Variants in ENTPD1 observed in about 807,000 individuals in gnomAD.
ENTPD1 encodes the protein ATP diphosphohydrolase.
ENTPD1 carries 33 observed loss-of-function variants against 57.0 expected under a neutral mutation model. The observed-to-expected ratio is 0.58, with a 90% CI of 0.44 to 0.77. The LOEUF is 0.77. ENTPD1 is among the 30% of genes least tolerant of loss of function. ENTPD1 has a pLI of 0.00. For synonymous variants in ENTPD1, 202 were observed against 218.8 expected, an observed-to-expected ratio of 0.92 and a Z score of 0.68; for missense variants, 501 against 603.4, an observed-to-expected ratio of 0.83 and a Z score of 1.78.
At chr10:95,838,710 T>G (rs531570342) in intron 2 of ENTPD1, among the ~76,000 whole-genome samples, 1 of 152,240 alleles carries the variant, frequency 6.6e-6, no homozygotes, top group African/African-American at 2.4e-5. Context: ...GGTGGTTATA[T>G]GGATGTGCAC....
chr10:95,698,745 T>G, the ENTPD1 span, among the ~76,000 whole-genome samples: 1 of 152,232 alleles, frequency 6.6e-6, no homozygotes, highest in Non-Finnish European at 1.5e-5. Context: ...GCTTCATAAC[T>G]GTAAGAAATC....
chr10:95,742,763 A>T (rs1241387850), intron 1 of ENTPD1, among the ~76,000 whole-genome samples: 1 of 152,208 alleles, frequency 6.6e-6, no homozygotes, highest in Non-Finnish European at 1.5e-5. Flanking sequence ...TCATTAAAGC[A>T]GTTACTTTAA....
rs905497078 is a variant in ENTPD1, at chr10:95,871,342, A to G, written c.*4959A>G. ...TCTTTAAAAAATGTCATTACTTCTA[A>G]GACATCATCAGTCTGCAACTTCTTT... is the stretch of plus-strand genomic sequence containing the variant. On this transcript the variant is annotated 3_prime_UTR_variant, in exon 10 of 10. Transcript: ENST00000371205. 1 of 985,426 alleles carries G rather than the reference A, an allele frequency of 1.0e-6. No homozygotes were observed. Among genetic ancestry groups the G allele is most frequent in the Non-Finnish European group, 1.2e-6 (1 of 829,876 alleles). The allele number at this position is 985,426 out of a possible 1,614,324, so 61.0% of individuals were successfully genotyped here. A position where few individuals can be genotyped will look rare whatever the true frequency, so the allele number is the denominator to read the frequency against.
In ENTPD1 at chr10:95,868,885, T is replaced by C. The variant is rs975152299; in HGVS notation, c.*2502T>C. 11 of 985,340 alleles carry C rather than the reference T, an allele frequency of 1.1e-5. No individual in the cohort carries two copies. Among genetic ancestry groups the C allele is most frequent in the Non-Finnish European group, 1.3e-5 (11 of 829,916 alleles). 61.0% of individuals were successfully genotyped at this position (985,340 alleles called of 1,614,324 possible). On this transcript the variant is annotated 3_prime_UTR_variant, in exon 10 of 10. Transcript: ENST00000371205. ...CCAAAAAAAAAATCCTTTAAGGTAT[T>C]TGGGAGCCAAACTCAACTTGTTAAA...
At chr10:95,729,526 T>C (rs1257229885) in intron 1 of ENTPD1, among the ~76,000 whole-genome samples, 1 of 152,212 alleles carries the variant, frequency 6.6e-6, no homozygotes, top group Non-Finnish European at 1.5e-5. Flanking sequence ...AGAAAGCTAA[T>C]TAAAATAGAG....
At chr10:95,709,734 C>A (rs1443886473), upstream of ENTPD1, among the ~76,000 whole-genome samples, 1 of 151,358 alleles carries the variant, frequency 6.6e-6, no homozygotes, top group Non-Finnish European at 1.5e-5. Context: ...TCCTGCTCCC[C>A]AAGATGCAGT....
chr10:95,729,133 C>T (rs1459356777), intron 1 of ENTPD1, among the ~76,000 whole-genome samples: 1 of 152,072 alleles, frequency 6.6e-6, no homozygotes. Context: ...TGTAAGTGGA[C>T]TCTCAAAGTT....
At chr10:95,797,941 T>TG (rs1222403779) in intron 1 of ENTPD1, among the ~76,000 whole-genome samples, 1 of 152,198 alleles carries the variant, frequency 6.6e-6, no homozygotes, top group Non-Finnish European at 1.5e-5. Context: ...ATTAAGGACT[T>TG]GCCATCCTCA....
chr10:95,783,531 T>A (rs1464229733), intron 1 of ENTPD1, among the ~76,000 whole-genome samples: 1 of 152,198 alleles, frequency 6.6e-6, no homozygotes, highest in Non-Finnish European at 1.5e-5. Flanking sequence ...CTGGGTTGTG[T>A]GAGCATGTGT....
the ENTPD1 span, among the ~76,000 whole-genome samples, chr10:95,702,576 C>A: frequency 6.6e-6 from 1 of 151,572 alleles, no homozygotes; most frequent in Non-Finnish European, 1.5e-5. Context: ...GTAGACACAG[C>A]AATATATTAG....
intron 5 of ENTPD1, 67 bp downstream of exon 5, chr10:95,844,702 T>C: frequency 1.3e-6 from 2 of 1,590,818 alleles, no homozygotes; most frequent in South Asian, 1.1e-5. Context: ...TCTCAGGCAG[T>C]ACTTGGGTCG....
the ENTPD1 span, among the ~76,000 whole-genome samples, chr10:95,698,686 G>A: frequency 4.6e-5 from 7 of 152,326 alleles, no homozygotes; most frequent in South Asian, 2.1e-4. Flanking sequence ...GAGTCCCACC[G>A]GCAAGATGGC....
intron 1 of ENTPD1, among the ~76,000 whole-genome samples, chr10:95,774,650 G>T (rs978915728): frequency 8.5e-5 from 13 of 152,114 alleles, no homozygotes; most frequent in African/African-American, 3.1e-4. Context: ...TAGATGTGTG[G>T]TGTTATTTCT....
upstream of ENTPD1, chr10:95,753,178 A>T (rs1403815872): frequency 6.6e-6 from 1 of 152,192 alleles, no homozygotes; most frequent in Non-Finnish European, 1.5e-5. Flanking sequence ...ATTACAAAAA[A>T]AAACAATAAA....
upstream of ENTPD1, chr10:95,756,155 C>T (rs2098022494): frequency 6.4e-7 from 1 of 1,556,628 alleles, no homozygotes; most frequent in African/African-American, 1.4e-5. Context: ...TCCTTGAGGA[C>T]CTCTCTCACG....
chr10:95,781,564 A>G lies in ENTPD1; in HGVS notation c.16+25309A>G, dbSNP rs1169927980. On this transcript the variant is annotated intron_variant, in intron 1 of 9. Transcript: ENST00000371205. ...TATCTCAAGTACCCCATAAATATAG[A>G]TACCTACTGTGTACCCATAAAAATT... Among the ~76,000 whole-genome samples the G allele has an allele frequency of 3.9e-5, 6 of 152,278 alleles. No individual in the cohort carries two copies. The East Asian group carries it at 1.2e-3, about 29-fold the overall frequency.
At chr10:95,723,981 G>A (rs1372970015) in intron 1 of ENTPD1, among the ~76,000 whole-genome samples, 1 of 151,946 alleles carries the variant, frequency 6.6e-6, no homozygotes, top group African/African-American at 2.4e-5. Flanking sequence ...CTAACACGGT[G>A]AAACCCTGTC....
chr10:95,698,001 G>A, the ENTPD1 span, among the ~76,000 whole-genome samples: 8 of 152,144 alleles, frequency 5.3e-5, no homozygotes, highest in Admixed American at 5.2e-4. Flanking sequence ...GGGTGATTCT[G>A]GCGAGACTCA....
At chr10:95,804,310 T>C (rs1009175809) in intron 1 of ENTPD1, among the ~76,000 whole-genome samples, 1 of 151,938 alleles carries the variant, frequency 6.6e-6, no homozygotes, top group Non-Finnish European at 1.5e-5. Context: ...TGATTCTTCC[T>C]ATCCATGAGC....
Sources: allele counts gnomAD v4.1 joint callset (sites outside exome capture counted in the v4.1 genomes callset), GRCh38; gene constraint gnomAD v4.1.1; transcripts MANE v1.5; gene names NCBI Gene and HGNC (gene_info 2026-07-23, HGNC 2026-07-21).